The following ARL2 variants were observed in gnomAD, a reference collection of about 807,000 sequenced individuals.
The protein encoded by ARL2 is ADP-ribosylation factor-like protein 2.
In ARL2, 11 loss-of-function variants were observed where a neutral mutation model predicts 22.0. The ratio of observed to expected loss-of-function variants is 0.50; its 90% confidence interval spans 0.31 to 0.83. The LOEUF (loss-of-function observed/expected upper bound fraction) is 0.83, where lower values mean the gene tolerates loss of function less well. ARL2 is among the 40% of genes least tolerant of loss of function. The pLI is 0.04. For synonymous variants in ARL2, 111 were observed against 100.8 expected (o/e 1.10, Z -0.61); for missense variants, 216 against 243.2 (o/e 0.89, Z 0.74).
intron 1 of ARL2, among the ~76,000 whole-genome samples, chr11:65,015,866 G>A (rs1045147977): frequency 6.6e-6 from 1 of 152,024 alleles, no homozygotes; most frequent in African/African-American, 2.4e-5. Context: ...CTCCCACTAC[G>A]TATATAGGTA....
chr11:65,016,904 A>G (rs1262499190), intron 1 of ARL2, among the ~76,000 whole-genome samples: 1 of 152,126 alleles, frequency 6.6e-6, no homozygotes, highest in Non-Finnish European at 1.5e-5. Flanking sequence ...TGCCAAGGGC[A>G]GCGCATGTGC....
chr11:65,017,352 C>T (rs1028328452), intron 1 of ARL2, among the ~76,000 whole-genome samples: 1 of 151,862 alleles, frequency 6.6e-6, no homozygotes, highest in Non-Finnish European at 1.5e-5. Flanking sequence ...CCCGCCACCA[C>T]GCCTGGCTGA....
At chr11:65,015,182 C>T (rs1043715082) in intron 1 of ARL2, among the ~76,000 whole-genome samples, 2 of 152,158 alleles carry the variant, frequency 1.3e-5, no homozygotes, top group Non-Finnish European at 2.9e-5. Context: ...GGCACAATCT[C>T]AGCTCGCTGC....
rs1946333931 is a variant in ARL2, at chr11:65,021,962, C to T, written c.*107C>T. ...CGGCCAAACTAACACTCCCCCTCCT[C>T]CACCCCAGCCTGCTGCTGCTACTGC... On this transcript the variant is annotated 3_prime_UTR_variant, in exon 5 of 5. Transcript: ENST00000246747. 2.1e-6 allele frequency: 3 copies of T among 1,446,426 alleles called. No individual in the cohort carries two copies. The South Asian group carries it at 3.9e-5, about 19-fold the overall frequency. 89.6% of individuals were successfully genotyped at this position (1,446,426 alleles called of 1,614,324 possible). A position where few individuals can be genotyped will look rare whatever the true frequency, so the allele number is the denominator to read the frequency against.
At position 65,018,219 on chromosome 11, in the gene ARL2, T is replaced by C; in HGVS notation, c.66-145T>C. 1.5e-6 allele frequency: 1 copy of C among 646,056 alleles called. No homozygotes were observed. Among genetic ancestry groups the C allele is most frequent in the African/African-American group, 1.8e-5 (1 of 54,706 alleles). 40.0% of individuals were successfully genotyped at this position (646,056 alleles called of 1,614,324 possible). ...TGATATTTATAATTTGATACTTTCA[T>C]ATTTATTGTGGGCCGATTATGGTCA... On this transcript the variant is annotated intron_variant, in intron 1 of 4. Coordinates refer to ENST00000246747, the MANE Select transcript of ARL2 (RefSeq NM_001667.4). The surrounding 1 kb of genome is among the most constrained non-coding windows in gnomAD (Gnocchi z 4.2).
intron 4 of ARL2, among the ~76,000 whole-genome samples, chr11:65,020,869 CAAA>C (rs58186585): frequency 1.9e-4 from 13 of 68,084 alleles, no homozygotes; most frequent in Admixed American, 4.9e-4. Flanking sequence ...GACTTCGTCT[CAAA>C]AAAAAAAAAA....
chr11:65,018,185 C>T lies in ARL2; in HGVS notation c.66-179C>T, dbSNP rs1046422136. ...TTCAACAAATTAAGGAGCCTTTGGT[C>T]AGTAGAGATGATATTTATAATTTGA... On this transcript the variant is annotated intron_variant, in intron 1 of 4. Transcript: ENST00000246747. This position sits in a 1 kb window ranked among gnomAD's most constrained non-coding sequence, Gnocchi z 4.2. Among the ~76,000 whole-genome samples, 1 of 152,192 alleles carries T rather than the reference C, an allele frequency of 6.6e-6. No homozygotes were observed. The highest frequency in any genetic ancestry group is 2.4e-5 in the African/African-American group (1 of 41,446).
chr11:65,015,339 A>T (rs1466266276), intron 1 of ARL2, among the ~76,000 whole-genome samples: 3 of 152,118 alleles, frequency 2.0e-5, no homozygotes, highest in African/African-American at 7.2e-5. Context: ...CTGTTCTCGA[A>T]TTCCTGACCT....
chr11:65,014,365 C>T (rs1273388223), intron 1 of ARL2, 93 bp downstream of exon 1: 10 of 1,124,638 alleles, frequency 8.9e-6, no homozygotes, highest in East Asian at 6.3e-5. Flanking sequence ...ACGCGGCGGC[C>T]GGCGCGTCCC....
rs574389851 is a variant in ARL2 at position 65,018,083 on chromosome 11, C to T, written c.66-281C>T. Among the ~76,000 whole-genome samples, 1 of 152,330 alleles carries T rather than the reference C, an allele frequency of 6.6e-6. No homozygotes were observed. Among genetic ancestry groups the T allele is most frequent in the South Asian group, 2.1e-4 (1 of 4,828 alleles). ...TTGTTTGTACTTTATTGACTGTCTT[C>T]CCGCTAGAGTGTAAGCTTCCTAAGG... On this transcript the variant is annotated intron_variant, in intron 1 of 4. Transcript: ENST00000246747. This position sits in a 1 kb window ranked among gnomAD's most constrained non-coding sequence, Gnocchi z 4.2.
intron 1 of ARL2, among the ~76,000 whole-genome samples, chr11:65,015,741 T>G (rs1353925948): frequency 1.3e-5 from 2 of 152,186 alleles, no homozygotes; most frequent in East Asian, 3.9e-4. Flanking sequence ...GGCAACATAG[T>G]GAGACTCTGT....
chr11:65,019,511 C>T (rs910810366), intron 3 of ARL2: 1 of 152,910 alleles, frequency 6.5e-6, no homozygotes, highest in Non-Finnish European at 1.5e-5. Flanking sequence ...CACTGCACTC[C>T]AGCCTGGGCA....
intron 3 of ARL2, chr11:65,019,270 C>T (rs539505072): frequency 4.4e-5 from 9 of 206,374 alleles, no homozygotes; most frequent in South Asian, 3.5e-4. Context: ...GGGCCAGGTG[C>T]GGTGGCTCAC....
At chr11:65,017,177 G>C (rs1946266884) in intron 1 of ARL2, among the ~76,000 whole-genome samples, 1 of 151,626 alleles carries the variant, frequency 6.6e-6, no homozygotes, top group Non-Finnish European at 1.5e-5. Context: ...GGGGCAGAGA[G>C]ATCAAGGGCT....
chr11:65,014,371 G>A, intron 1 of ARL2, 99 bp downstream of exon 1: 1 of 1,018,716 alleles, frequency 9.8e-7, no homozygotes, highest in South Asian at 1.7e-5. Flanking sequence ...CGGCCGGCGC[G>A]TCCCAACTGC....
At chr11:65,020,537 G>A in intron 4 of ARL2, 38 bp downstream of exon 4, 2 of 1,530,796 alleles carry the variant, frequency 1.3e-6, no homozygotes, top group Non-Finnish European at 1.8e-6. Context: ...CTGAGGGAAA[G>A]GGGCATACAT....
chr11:65,018,275 T>G lies in ARL2; in HGVS notation c.66-89T>G. 1 of 1,025,188 alleles carries G rather than the reference T, an allele frequency of 9.8e-7. No homozygotes were observed. The highest frequency in any genetic ancestry group is 1.4e-6 in the Non-Finnish European group (1 of 694,922). 63.5% of individuals were successfully genotyped at this position (1,025,188 alleles called of 1,614,324 possible). On this transcript the variant is annotated intron_variant, in intron 1 of 4. Transcript: ENST00000246747. The surrounding 1 kb of genome is among the most constrained non-coding windows in gnomAD (Gnocchi z 4.2). Reference sequence around the variant, plus strand: ...GTGCTCAACTCAGTTTGATACATGGTGGGAAATAATGAGTCCCCTAAGGGG... The same window carrying G: ...GTGCTCAACTCAGTTTGATACATGGGGGGAAATAATGAGTCCCCTAAGGGG...
intron 3 of ARL2, among the ~76,000 whole-genome samples, chr11:65,019,891 G>A (rs75076840): frequency 3.0e-3 from 453 of 152,286 alleles, no homozygotes; most frequent in Non-Finnish European, 5.6e-3. Flanking sequence ...GATCAGGGCC[G>A]TCAAATGCTG....
chr11:65,014,282 C>G lies in ARL2; in HGVS notation c.65+10C>G. 1 of 1,544,692 alleles carries G rather than the reference C, an allele frequency of 6.5e-7. No homozygotes were observed. The highest frequency in any genetic ancestry group is 8.7e-7 in the Non-Finnish European group (1 of 1,150,864). On this transcript the variant is annotated intron_variant, in intron 1 of 4. Transcript: ENST00000246747. ...TGCGACTGCTCATGCTGTATCCTAC[C>G]GGACGCCGGAACCGCGAGGGTGGCG...
Sources: allele counts gnomAD v4.1 joint callset (sites outside exome capture counted in the v4.1 genomes callset), GRCh38; gene constraint gnomAD v4.1.1; non-coding constraint Gnocchi (gnomAD v3.1); transcripts MANE v1.5; gene names NCBI Gene and HGNC (gene_info 2026-07-23, HGNC 2026-07-21).